The following ATP5MC2 variants were observed in gnomAD, a reference collection of about 807,000 sequenced individuals.
The protein encoded by ATP5MC2 is ATP synthase membrane subunit c locus 2, also known as ATP synthase F(0) complex subunit C2, mitochondrial.
In ATP5MC2, 11 loss-of-function variants were observed where a neutral mutation model predicts 13.5. The ratio of observed to expected loss-of-function variants is 0.81; its 90% confidence interval spans 0.51 to 1.35. ATP5MC2 has a LOEUF of 1.35. Ranked by LOEUF, ATP5MC2 falls within the 40% of genes most tolerant of loss-of-function variation. The probability of loss-of-function intolerance (pLI) is 0.00; values close to 1 mark genes in which losing one functional copy is unlikely to be tolerated. For synonymous variants in ATP5MC2, 64 were observed against 69.7 expected (o/e 0.92, Z 0.41); for missense variants, 132 against 175.0 (o/e 0.75, Z 1.39).
chr12:53,665,643 GT>G (rs1415644462), intron 4 of ATP5MC2, among the ~76,000 whole-genome samples: 1 of 152,142 alleles, frequency 6.6e-6, no homozygotes, highest in African/African-American at 2.4e-5. Context: ...CTAAAATCCT[GT>G]AACATGGCCC....
intron 2 of ATP5MC2, among the ~76,000 whole-genome samples, chr12:53,671,804 G>A (rs946445819): frequency 9.2e-5 from 14 of 152,074 alleles, no homozygotes; most frequent in Non-Finnish European, 1.8e-4. Context: ...GGCCGAGGAC[G>A]GCGGATCACC....
chr12:53,666,744 A>C (rs1008235651), intron 4 of ATP5MC2, among the ~76,000 whole-genome samples: 2 of 150,700 alleles, frequency 1.3e-5, no homozygotes, highest in Admixed American at 1.3e-4. Flanking sequence ...TGGGTGACAG[A>C]GTCAGACTCT....
intron 1 of ATP5MC2, chr12:53,674,087 T>TC (rs1234599939): frequency 6.6e-6 from 1 of 152,030 alleles, no homozygotes; most frequent in Admixed American, 6.6e-5. Flanking sequence ...AGTGGCTCAT[T>TC]CCTGTAATCC....
intron 1 of ATP5MC2, chr12:53,673,319 A>AAAACAAAC (rs144937742): frequency 0.082 from 11,646 of 141,676 alleles, 1,306 homozygotes; most frequent in African/African-American, 0.26. Context: ...ACCCCATCTC[A>AAAACAAAC]AAACAAACAA....
Position 53,672,587 on chromosome 12 carries a change from T to C in ATP5MC2, c.28A>G (p.Thr10Ala). The C allele has an allele frequency of 6.3e-7, 1 of 1,579,990 alleles. No homozygotes were observed. The highest frequency in any genetic ancestry group is 8.6e-7 in the Non-Finnish European group (1 of 1,162,786). Residue 10 changes from threonine (T) to alanine (A), a missense_variant, in exon 2 of 5, where the codon ACT (threonine) becomes GCT (alanine). By Grantham distance (58) the Thr-to-Ala change is moderately conservative. Transcript: ENST00000394349. The stretch of plus-strand genomic sequence containing the variant: ...AAGCAGGTACTCACCAAGGAGGGAG[T>C]GGAGACAAACTTGGAGCAGGCGAAC... MFACSKFVS[T>A]PSLVKSTSQL...
At chr12:53,675,551 T>A (rs1451396758) in intron 1 of ATP5MC2, among the ~76,000 whole-genome samples, 1 of 152,214 alleles carries the variant, frequency 6.6e-6, no homozygotes. Context: ...AAGGTTTACT[T>A]TTTAAATTGA....
chr12:53,669,544 T>C (rs1034308808), intron 3 of ATP5MC2, among the ~76,000 whole-genome samples: 1 of 152,170 alleles, frequency 6.6e-6, no homozygotes, highest in African/African-American at 2.4e-5. Context: ...TCAAGAAGTG[T>C]AAGACTGAGG....
chr12:53,677,268 C>CA (rs1225840128), upstream of ATP5MC2: 1 of 152,302 alleles, frequency 6.6e-6, no homozygotes, highest in Non-Finnish European at 1.5e-5. Flanking sequence ...GAGGATAAAT[C>CA]ACGGCAGCAG....
upstream of ATP5MC2, among the ~76,000 whole-genome samples, chr12:53,681,085 T>C (rs1227406326): frequency 6.6e-6 from 1 of 151,152 alleles, no homozygotes; most frequent in East Asian, 1.9e-4. Context: ...TTCGTATTTT[T>C]AGTAGATACG....
intron 4 of ATP5MC2, among the ~76,000 whole-genome samples, chr12:53,667,956 C>CATACACACATATATATAT (rs1944971986): frequency 1.5e-5 from 1 of 67,364 alleles, no homozygotes; most frequent in African/African-American, 4.7e-5. Flanking sequence ...CATACACACA[C>CATACACACATATATATAT]ATATATATAT....
chr12:53,674,221 G>C (rs536276816), intron 1 of ATP5MC2, among the ~76,000 whole-genome samples: 5 of 152,300 alleles, frequency 3.3e-5, no homozygotes, highest in Admixed American at 6.5e-5. Flanking sequence ...AAGTGCACCT[G>C]TAGTCCCAGC....
upstream of ATP5MC2, among the ~76,000 whole-genome samples, chr12:53,679,445 G>A (rs542793298): frequency 8.5e-5 from 13 of 152,308 alleles, no homozygotes; most frequent in Admixed American, 2.0e-4. Context: ...AGCTGTCTTC[G>A]AGGCAGGAGA....
intron 2 of ATP5MC2, among the ~76,000 whole-genome samples, chr12:53,671,970 T>C (rs1945106119): frequency 1.3e-5 from 2 of 150,782 alleles, no homozygotes; most frequent in Non-Finnish European, 2.9e-5. Context: ...GGCAGGTGCC[T>C]GTAACCCCAG....
chr12:53,667,042 T>C (rs1944936155), intron 4 of ATP5MC2, among the ~76,000 whole-genome samples: 1 of 151,960 alleles, frequency 6.6e-6, no homozygotes, highest in Non-Finnish European at 1.5e-5. Flanking sequence ...CCATATATAA[T>C]CTGTATTTCC....
chr12:53,675,922 A>G (rs1945250658), intron 1 of ATP5MC2, 131 bp downstream of exon 1: 1 of 1,355,062 alleles, frequency 7.4e-7, no homozygotes, highest in Non-Finnish European at 9.9e-7. Context: ...GCTAAGGGAT[A>G]GCGGAAGCAA....
intron 4 of ATP5MC2, among the ~76,000 whole-genome samples, chr12:53,667,398 CTTT>C (rs1944944927): frequency 6.6e-6 from 1 of 152,122 alleles, no homozygotes; most frequent in African/African-American, 2.4e-5. Context: ...GGAAGGTAAA[CTTT>C]TTCTGTAAAG....
chr12:53,680,197 G>A (rs1158434112), upstream of ATP5MC2, among the ~76,000 whole-genome samples: 1 of 152,032 alleles, frequency 6.6e-6, no homozygotes, highest in South Asian at 2.1e-4. Flanking sequence ...TGTTGCCCAG[G>A]CTGGCCTTGA....
intron 4 of ATP5MC2, 80 bp downstream of exon 4, chr12:53,669,065 ATAG>A (rs1425294267): frequency 6.7e-7 from 1 of 1,502,002 alleles, no homozygotes; most frequent in Non-Finnish European, 8.9e-7. Flanking sequence ...ACAGTGTGGG[ATAG>A]TATAGTTCTA....
chr12:53,676,415 C>A, upstream of ATP5MC2: 1 of 593,032 alleles, frequency 1.7e-6, no homozygotes. Flanking sequence ...AAACAAAACT[C>A]CTACTCAGAA....
Sources: gnomAD v4.1 joint callset for allele counts (sites outside exome capture counted in the v4.1 genomes callset) on GRCh38, gnomAD v4.1.1 for gene constraint, MANE v1.5 for transcripts, NCBI Gene and HGNC (gene_info 2026-07-23, HGNC 2026-07-21) for gene names.